The following SIPA1L3 variants were observed in gnomAD, a reference collection of about 807,000 sequenced individuals.
The protein encoded by SIPA1L3 is signal-induced proliferation-associated 1-like protein 3.
A neutral mutation model predicts 150.1 loss-of-function variants in SIPA1L3; 59 were observed. The ratio of observed to expected loss-of-function variants is 0.39; its 90% CI spans 0.32 to 0.49. The LOEUF is 0.49. Among genes scored for constraint, SIPA1L3 ranks in the 20% least tolerant of loss-of-function variants. The pLI, the probability that SIPA1L3 is intolerant of heterozygous loss-of-function variation, is 0.86. For missense variants in SIPA1L3, 2,211 were observed against 2,489.5 expected, an observed-to-expected ratio of 0.89 and a Z score of 2.38; for synonymous variants, 1,070 against 1,077.6, an observed-to-expected ratio of 0.99 and a Z score of 0.14.
intron 2 of SIPA1L3, among the ~76,000 whole-genome samples, chr19:38,058,277 G>A (rs1171115570): frequency 6.6e-6 from 1 of 152,190 alleles, no homozygotes; most frequent in African/African-American, 2.4e-5. Flanking sequence ...CATCCAGCGA[G>A]GGTCATAACT....
chr19:38,186,929 C>A (rs1972692900), intron 16 of SIPA1L3, among the ~76,000 whole-genome samples: 1 of 150,374 alleles, frequency 6.7e-6, no homozygotes. Flanking sequence ...ATTGCTTGAA[C>A]CCAGGAGGCG....
In SIPA1L3 at chr19:38,182,585, G is replaced by A; in HGVS notation, c.4275G>A (p.Arg1425=). 4 of 1,614,124 alleles carry A rather than the reference G, an allele frequency of 2.5e-6. No homozygotes were observed. The highest frequency in any genetic ancestry group is 1.7e-5 in the Admixed American group (1 of 60,018). The change falls in exon 16 of 22, where the codon CGG becomes CGA. Residue 1425 remains arginine (R), a synonymous_variant. Coordinates refer to ENST00000222345, the MANE Select transcript of SIPA1L3 (RefSeq NM_015073.3). Reference sequence around the variant, plus strand: ...AAACTGCCAGTGCAGAGACTCCTCGGCCCTCCCAGCTGGCCCAGCCCAGCC... The same window carrying A: ...AAACTGCCAGTGCAGAGACTCCTCGACCCTCCCAGCTGGCCCAGCCCAGCC... ...VYKTASAETP[R]PSQLAQPSPF...
At chr19:38,123,475 G>A (rs1361402588) in intron 9 of SIPA1L3, among the ~76,000 whole-genome samples, 1 of 147,472 alleles carries the variant, frequency 6.8e-6, no homozygotes, top group African/African-American at 2.5e-5. Context: ...CTCTTAAGGA[G>A]CATGCTGCCT....
chr19:38,033,647 C>T (rs886355538), intron 2 of SIPA1L3, among the ~76,000 whole-genome samples: 5 of 149,810 alleles, frequency 3.3e-5, no homozygotes, highest in African/African-American at 1.2e-4. Context: ...ACTCCAGCCC[C>T]GGGCAATAGA....
At chr19:38,111,653 G>T (rs1368203337) in intron 8 of SIPA1L3, among the ~76,000 whole-genome samples, 7 of 152,328 alleles carry the variant, frequency 4.6e-5, no homozygotes, top group East Asian at 1.9e-4. Context: ...AGCGCTGGTT[G>T]TCTAGCACCT....
At chr19:38,048,800 A>G (rs1969118593) in intron 2 of SIPA1L3, among the ~76,000 whole-genome samples, 1 of 152,034 alleles carries the variant, frequency 6.6e-6, no homozygotes, top group Non-Finnish European at 1.5e-5. Context: ...ACACCCAAAA[A>G]AGGGGGCAGG....
At position 37,961,753 on chromosome 19, in the gene SIPA1L3, T is replaced by C. The variant is rs189310504; in HGVS notation, c.-379+54395T>C. 2.4e-4 allele frequency among the ~76,000 whole-genome samples: 37 copies of C among 152,278 alleles called. No homozygotes were observed. In the East Asian group the frequency reaches 5.2e-3, roughly 21 times the overall value. On this transcript the variant is annotated intron_variant, in intron 1 of 21. Coordinates refer to ENST00000222345, the MANE Select transcript of SIPA1L3 (RefSeq NM_015073.3). The stretch of plus-strand genomic sequence containing the variant: ...TCATAGGACTCCCATTATGTCTGTC[T>C]TGATGCCTTTGATGATGTCCCTCAT...
chr19:38,064,687 A>G (rs927765085), intron 2 of SIPA1L3, among the ~76,000 whole-genome samples: 12 of 152,236 alleles, frequency 7.9e-5, no homozygotes, highest in African/African-American at 2.9e-4. Context: ...CAACGGAGCC[A>G]GACTCTGTCT....
In SIPA1L3 at chr19:38,082,659, G is replaced by T. The variant is rs759785708; in HGVS notation, c.1094G>T (p.Arg365Leu). 1 of 1,607,780 alleles carries T rather than the reference G, an allele frequency of 6.2e-7. No homozygotes were observed. The highest frequency in any genetic ancestry group is 8.5e-7 in the Non-Finnish European group (1 of 1,179,684). The change falls in exon 3 of 22, where the codon CGG becomes CTG. Residue 365 changes from arginine to leucine, a missense_variant. Arg to Leu is a moderately radical substitution (Grantham distance 102). Transcript: ENST00000222345. ...AAANRVSVSQ[R>L]RNTTTGASAA... ...GCCAACAGGGTGTCGGTGTCGCAGC[G>T]GCGGAACACCACCACGGGTGCTTCG...
chr19:38,018,751 C>T (rs1426360196), intron 1 of SIPA1L3, among the ~76,000 whole-genome samples: 1 of 152,168 alleles, frequency 6.6e-6, no homozygotes, highest in Non-Finnish European at 1.5e-5. Context: ...TTCTGGTTCT[C>T]ACCACTGAAC....
intron 20 of SIPA1L3, 32 bp from the exon 21 acceptor site, chr19:38,204,095 C>A: frequency 6.5e-7 from 1 of 1,536,316 alleles, no homozygotes; most frequent in Non-Finnish European, 8.8e-7. Context: ...GGCTTTAGGG[C>A]CTCAGGCTGA....
At chr19:38,184,094 G>A (rs1445020883) in intron 16 of SIPA1L3, among the ~76,000 whole-genome samples, 1 of 152,098 alleles carries the variant, frequency 6.6e-6, no homozygotes, top group Admixed American at 6.5e-5. Context: ...TCACCACATC[G>A]AGGTTCAGTT....
Position 38,082,771 on chromosome 19 carries a change from A to C in SIPA1L3, c.1206A>C (p.Thr402=). ...LGGLDPAFTS[T]EDLNCKENLE... ...GCCTGGACCCGGCCTTCACCAGCAC[A>C]GAGGACCTAAACTGCAAGGAGAACT... The change falls in exon 3 of 22, where the codon ACA becomes ACC. Residue 402 remains threonine (T), a synonymous_variant. Transcript: ENST00000222345. 1 of 1,613,240 alleles carries C rather than the reference A, an allele frequency of 6.2e-7. No individual in the cohort carries two copies. The highest frequency in any genetic ancestry group is 1.6e-4 in the Middle Eastern group (1 of 6,062).
chr19:38,152,941 A>G lies in SIPA1L3; in HGVS notation c.3635A>G (p.Glu1212Gly), dbSNP rs778998253. 3 of 1,613,432 alleles carry G rather than the reference A, an allele frequency of 1.9e-6. No homozygotes were observed. Among genetic ancestry groups the G allele is most frequent in the Non-Finnish European group, 2.5e-6 (3 of 1,179,722 alleles). Residue 1212 changes from glutamate (E) to glycine (G), a missense_variant, in exon 13 of 22, where the codon GAG (glutamate) becomes GGG (glycine). Physicochemically the swap from Glu to Gly is moderately conservative, Grantham distance 98. This residue lies in a region of SIPA1L3 where 806 missense variants were observed against 870.1 expected (regional missense o/e 0.93). Coordinates refer to ENST00000222345, the MANE Select transcript of SIPA1L3 (RefSeq NM_015073.3). ...TCTTCCGGCGGCCTGACCAGCCAGG[A>G]GAGCACCATGGAACGCCAGAAGCCA... ...DSSSGGLTSQ[E>G]STMERQKPEP...
chr19:38,079,677 C>T lies in SIPA1L3; in HGVS notation c.-310-1579C>T, dbSNP rs940865920. Reference sequence around the variant, plus strand: ...TTCGAGTGATCCTTTTACCTCAGCCCCCTGAGTAGCTGGGACTACAGGCAC... The same window carrying T: ...TTCGAGTGATCCTTTTACCTCAGCCTCCTGAGTAGCTGGGACTACAGGCAC... On this transcript the variant is annotated intron_variant, in intron 2 of 21. Transcript: ENST00000222345. 2.0e-5 allele frequency among the ~76,000 whole-genome samples: 3 copies of T among 151,858 alleles called. No individual in the cohort carries two copies. In the South Asian group the frequency reaches 6.3e-4, roughly 32 times the overall value.
intron 1 of SIPA1L3, among the ~76,000 whole-genome samples, chr19:37,985,484 G>A (rs1233283147): frequency 6.6e-6 from 1 of 152,162 alleles, no homozygotes; most frequent in Non-Finnish European, 1.5e-5. Flanking sequence ...ACAATAGAGA[G>A]AGAGAAAGAA....
At chr19:38,153,004 C>G in intron 13 of SIPA1L3, 37 bp downstream of exon 13, 1 of 1,602,474 alleles carries the variant, frequency 6.2e-7, no homozygotes, top group Non-Finnish European at 8.5e-7. Context: ...CACCCGCCTG[C>G]CTCACTCCGC....
At chr19:38,078,464 A>AGG (rs1442805535) in intron 2 of SIPA1L3, among the ~76,000 whole-genome samples, 1 of 150,102 alleles carries the variant, frequency 6.7e-6, no homozygotes, top group Admixed American at 6.6e-5. Flanking sequence ...ACACACACAC[A>AGG]CACACAGGCA....
chr19:38,059,666 G>C (rs1272863799), intron 2 of SIPA1L3, among the ~76,000 whole-genome samples: 13 of 152,160 alleles, frequency 8.5e-5, no homozygotes, highest in Admixed American at 8.5e-4. Flanking sequence ...TGTAAAACGT[G>C]AATACACAGT....
Sources: allele counts gnomAD v4.1 joint callset (sites outside exome capture counted in the v4.1 genomes callset), GRCh38; gene constraint gnomAD v4.1.1; regional missense constraint gnomAD v4.1.1; transcripts MANE v1.5; gene names NCBI Gene and HGNC (gene_info 2026-07-23, HGNC 2026-07-21).